The following CEP104 variants were observed in gnomAD, a reference collection of about 807,000 sequenced individuals.
CEP104 encodes centrosomal protein 104, also known as centrosomal protein of 104 kDa.
A neutral mutation model predicts 113.3 loss-of-function variants in CEP104; 84 were observed. That is an observed-to-expected ratio of 0.74 (90% CI 0.62 to 0.89). The LOEUF is 0.89. Among genes scored for constraint, CEP104 ranks in the 40% least tolerant of loss-of-function variants. CEP104 has a pLI of 0.00. For synonymous variants in CEP104, 378 were observed against 421.7 expected, an observed-to-expected ratio of 0.90 and a Z score of 1.27; for missense variants, 1,053 against 1,156.6, an observed-to-expected ratio of 0.91 and a Z score of 1.30.
chr1:3,852,304 C>A lies in CEP104; in HGVS notation c.104G>T (p.Arg35Leu). 4 of 1,613,548 alleles carry A rather than the reference C, an allele frequency of 2.5e-6. No individual in the cohort carries two copies. The highest frequency in any genetic ancestry group is 3.4e-6 in the Non-Finnish European group (4 of 1,179,896). The change falls in exon 2 of 22, where the codon CGG (arginine) becomes CTG (leucine). Residue 35 changes from arginine (R) to leucine (L), a missense_variant. Arg to Leu is a moderately radical substitution (Grantham distance 102). Coordinates refer to ENST00000378230, the MANE Select transcript of CEP104 (RefSeq NM_014704.4). ...CCCGTCCAGTCCTCACCTAGGTGACCGCCACCCACTGACAGTTGGCGCGTG... is the reference window on the plus strand; with the variant it reads ...CCCGTCCAGTCCTCACCTAGGTGACAGCCACCCACTGACAGTTGGCGCGTG... ...MIHAPTVSGWRSPRFCQFPQE... is the reference protein window; with the variant it reads ...MIHAPTVSGWLSPRFCQFPQE...
At chr1:3,847,414 A>T (rs1644527273) in intron 4 of CEP104, 61 bp downstream of exon 4, 1 of 1,448,602 alleles carries the variant, frequency 6.9e-7, no homozygotes, top group Non-Finnish European at 9.3e-7. Flanking sequence ...AAGATACGTG[A>T]CCACATAATC....
intron 10 of CEP104, among the ~76,000 whole-genome samples, chr1:3,835,479 TCTC>T (rs780278425): frequency 3.3e-5 from 5 of 152,252 alleles, no homozygotes; most frequent in South Asian, 4.2e-4. Context: ...TTCAAGCAAT[TCTC>T]CTGCCTCAGT....
chr1:3,833,728 A>G (rs1235519942), intron 12 of CEP104, 134 bp downstream of exon 12: 1 of 783,012 alleles, frequency 1.3e-6, no homozygotes, highest in Non-Finnish European at 2.0e-6. Context: ...GCATAAGGAA[A>G]GTGTGATGGT....
At chr1:3,850,693 C>CT (rs909690263) in intron 2 of CEP104, among the ~76,000 whole-genome samples, 13 of 152,322 alleles carry the variant, frequency 8.5e-5, no homozygotes, top group African/African-American at 3.1e-4. Context: ...TGCGATGTGC[C>CT]TGACCTCAGG....
chr1:3,853,308 C>T (rs907508716), intron 1 of CEP104, among the ~76,000 whole-genome samples: 1 of 152,062 alleles, frequency 6.6e-6, no homozygotes, highest in Non-Finnish European at 1.5e-5. Context: ...GGACATTGAG[C>T]CCAATTTGCT....
chr1:3,839,550 G>T, intron 7 of CEP104, 58 bp downstream of exon 7: 1 of 1,439,554 alleles, frequency 6.9e-7, no homozygotes, highest in Non-Finnish European at 9.5e-7. Context: ...GTTATTCTAA[G>T]TATACATAAA....
intron 12 of CEP104, among the ~76,000 whole-genome samples, chr1:3,831,767 A>G (rs913958477): frequency 3.3e-5 from 5 of 152,220 alleles, no homozygotes; most frequent in Non-Finnish European, 7.3e-5. Context: ...GGATATAGAG[A>G]AAAAAATAAG....
chr1:3,844,698 C>CAAAAAAAA (rs59649331), intron 6 of CEP104, among the ~76,000 whole-genome samples: 3 of 79,732 alleles, frequency 3.8e-5, no homozygotes, highest in East Asian at 2.4e-4. Context: ...AATTCTGTCT[C>CAAAAAAAA]AAAAAAAAAG....
Position 3,829,345 on chromosome 1 carries a change from G to C in CEP104, c.2072C>G (p.Ala691Gly). 1.2e-6 allele frequency: 2 copies of C among 1,608,946 alleles called. No individual in the cohort carries two copies. Among genetic ancestry groups the C allele is most frequent in the South Asian group, 1.1e-5 (1 of 89,678 alleles). Residue 691 changes from alanine to glycine, a missense_variant, in exon 15 of 22, where the codon GCA (alanine) becomes GGA (glycine). Coordinates refer to ENST00000378230, the MANE Select transcript of CEP104 (RefSeq NM_014704.4). ...RARRKAATEE[A>G]EKQKKEEIKA... ...TATTTCTTCTTTCTTTTGTTTTTCT[G>C]CTTCTTCTGTAGCCGCTTTTCTCCG... is the stretch of plus-strand genomic sequence containing the variant.
Position 3,812,220 on chromosome 1 carries a change from A to G in CEP104, c.*3182T>C, listed in dbSNP as rs1212597625. 6.6e-6 allele frequency: 1 copy of G among 152,218 alleles called. No individual in the cohort carries two copies. Among genetic ancestry groups the G allele is most frequent in the Non-Finnish European group, 1.5e-5 (1 of 68,026 alleles). 9.4% of individuals were successfully genotyped at this position (152,218 alleles called of 1,614,324 possible). Reference sequence around the variant, plus strand: ...ATAAAGACAAATAGAAAACTATGTTAAAATATTAAAAAGTTGCAAAATTTC... The same window carrying G: ...ATAAAGACAAATAGAAAACTATGTTGAAATATTAAAAAGTTGCAAAATTTC... On this transcript the variant is annotated 3_prime_UTR_variant, in exon 22 of 22. Transcript: ENST00000378230.
chr1:3,842,253 G>A (rs57986887), intron 6 of CEP104, among the ~76,000 whole-genome samples: 2 of 152,112 alleles, frequency 1.3e-5, no homozygotes, highest in South Asian at 4.2e-4. Flanking sequence ...CTAATTTTTT[G>A]TATTTTTTAG....
intron 12 of CEP104, 124 bp downstream of exon 12, chr1:3,833,738 T>C: frequency 1.1e-6 from 1 of 879,688 alleles, no homozygotes; most frequent in Admixed American, 2.7e-5. Context: ...AGTGTGATGG[T>C]GAATCCCTGA....
At chr1:3,825,416 G>A (rs1473917439) in intron 18 of CEP104, among the ~76,000 whole-genome samples, 1 of 152,174 alleles carries the variant, frequency 6.6e-6, no homozygotes, top group Non-Finnish European at 1.5e-5. Flanking sequence ...TCAAGCAGTG[G>A]ACACTATAAA....
intron 12 of CEP104, chr1:3,833,655 T>C: frequency 2.3e-6 from 1 of 433,048 alleles, no homozygotes. Flanking sequence ...AAAAAAACAT[T>C]GGAAAAACCC....
At chr1:3,855,831 C>G in intron 1 of CEP104, 1 of 897,740 alleles carries the variant, frequency 1.1e-6, no homozygotes, top group Non-Finnish European at 1.3e-6. Context: ...TGGGAAGAAG[C>G]AAAGCTCTGT....
chr1:3,825,752 C>A lies in CEP104; in HGVS notation c.2364+6G>T. On this transcript the variant is annotated splice_donor_region_variant and intron_variant, in intron 18 of 21. Transcript: ENST00000378230. Reference sequence around the variant, plus strand: ...AAGTAGCTGGCTGCTGTGCCGCTGGCCTGACCTGTTTGCAGTGGTCACATC... The same window carrying A: ...AAGTAGCTGGCTGCTGTGCCGCTGGACTGACCTGTTTGCAGTGGTCACATC... The A allele has an allele frequency of 1.3e-6, 2 of 1,595,230 alleles. No individual in the cohort carries two copies. The highest frequency in any genetic ancestry group is 1.7e-6 in the Non-Finnish European group (2 of 1,162,786).
intron 2 of CEP104, 33 bp from the exon 3 acceptor site, chr1:3,848,814 CA>C: frequency 6.3e-7 from 1 of 1,576,960 alleles, no homozygotes; most frequent in East Asian, 2.2e-5. Context: ...ATTTTCTGAA[CA>C]ACTTCTGCAG....
At chr1:3,838,526 C>T (rs191531075) in intron 8 of CEP104, among the ~76,000 whole-genome samples, 230 of 152,280 alleles carry the variant, frequency 1.5e-3, no homozygotes, top group South Asian at 5.2e-3. Context: ...GGGCTGAGTG[C>T]CCCATTTGCA....
At chr1:3,825,928 C>T (rs1392066009) in intron 17 of CEP104, 62 bp from the exon 18 acceptor site, 1 of 1,106,506 alleles carries the variant, frequency 9.0e-7, no homozygotes, top group Admixed American at 1.7e-5. Context: ...GGCCGTTCCG[C>T]TCCCACGTCA....
Sources: gnomAD v4.1 joint callset for allele counts (sites outside exome capture counted in the v4.1 genomes callset) on GRCh38, gnomAD v4.1.1 for gene constraint, MANE v1.5 for transcripts, NCBI Gene and HGNC (gene_info 2026-07-23, HGNC 2026-07-21) for gene names.